The following ZNF28 variants were observed in gnomAD, a reference collection of about 807,000 sequenced individuals.
ZNF28 encodes zinc finger protein KOX24.
Under a neutral mutation model 7.2 loss-of-function variants are expected in ZNF28, and 5 were observed. The ratio of observed to expected loss-of-function variants is 0.70; its 90% CI spans 0.36 to 1.46. ZNF28 has a LOEUF of 1.46. Among genes scored for constraint, ZNF28 ranks in the 40% most tolerant of loss-of-function variants. The pLI is 0.03. For missense variants in ZNF28, 879 were observed against 866.6 expected (o/e 1.01, Z -0.18); for synonymous variants, 288 against 292.4 (o/e 0.99, Z 0.15).
At chr19:52,820,651 C>T (rs12984230) in intron 1 of ZNF28, among the ~76,000 whole-genome samples, 14,150 of 151,000 alleles carry the variant, frequency 0.094, 448 homozygotes, top group South Asian at 0.18. Context: ...CTCCACATCC[C>T]TCCTCCTCTC....
rs546122686 is a variant in ZNF28 at position 52,815,514 on chromosome 19, T to C, written c.15+2430A>G. On this transcript the variant is annotated intron_variant, in intron 2 of 3. Transcript: ENST00000457749. ...TCTGGGCAACAAGATCATAACTCAG[T>C]CTCAAAAAAATAAATAAAAAAAATA... Among the ~76,000 whole-genome samples the C allele has an allele frequency of 5.9e-4, 81 of 137,356 alleles. 6 individuals are homozygous for C. The highest frequency in any genetic ancestry group is 4.6e-3 in the East Asian group (21 of 4,604). 90.1% of individuals were successfully genotyped at this position (137,356 alleles called of 152,430 possible).
rs2063007512 is a variant in ZNF28 at position 52,810,585 on chromosome 19, AC to A, written c.16-2453del. ...GACCGGGGTCTTCCACGAGCCCGCT[AC>A]CGCGCCCGACCACCAACTACAGCAG... On this transcript the variant is annotated intron_variant, in intron 2 of 3. Coordinates refer to ENST00000457749, the MANE Select transcript of ZNF28 (RefSeq NM_006969.5). 8 of 1,580,626 alleles carry A rather than the reference AC, an allele frequency of 5.1e-6. No homozygotes were observed. The Admixed American group carries it at 1.3e-4, about 26-fold the overall frequency.
At chr19:52,812,265 T>C (rs1040046467) in intron 2 of ZNF28, among the ~76,000 whole-genome samples, 3 of 139,202 alleles carry the variant, frequency 2.2e-5, no homozygotes, top group Non-Finnish European at 4.5e-5. Context: ...CTGGGAGGTG[T>C]GCCCAGCGGC....
intron 1 of ZNF28, among the ~76,000 whole-genome samples, chr19:52,818,318 T>C (rs1000723246): frequency 2.6e-5 from 4 of 152,198 alleles, no homozygotes; most frequent in Non-Finnish European, 4.4e-5. Context: ...TCTGTGTGTC[T>C]GTGGTCCCAG....
In ZNF28 at chr19:52,810,389, C is replaced by T. The variant is rs187831819; in HGVS notation, c.16-2256G>A. ...ACTTTCATGGCTGTGGTTCAGTCAA[C>T]CACGTTACCATACTCTGTGACAAAT... On this transcript the variant is annotated intron_variant, in intron 2 of 3. Coordinates refer to ENST00000457749, the MANE Select transcript of ZNF28 (RefSeq NM_006969.5). The T allele has an allele frequency of 1.8e-4, 286 of 1,604,946 alleles. 1 individual carries two copies. In the East Asian group the frequency reaches 6.2e-3, roughly 35 times the overall value.
intron 2 of ZNF28, chr19:52,810,065 T>A: frequency 1.3e-6 from 1 of 746,970 alleles, no homozygotes; most frequent in Non-Finnish European, 2.4e-6. Context: ...GCCTGGGAGC[T>A]CCAGGACCTG....
intron 2 of ZNF28, among the ~76,000 whole-genome samples, chr19:52,816,427 G>A (rs1277065417): frequency 1.4e-5 from 2 of 145,858 alleles, no homozygotes; most frequent in Admixed American, 6.9e-5. Context: ...CACTTTGGGA[G>A]GCTGAGGTGG....
chr19:52,817,745 G>A (rs1670159569), intron 2 of ZNF28, among the ~76,000 whole-genome samples, 199 bp downstream of exon 2: 1 of 152,062 alleles, frequency 6.6e-6, no homozygotes, highest in Admixed American at 6.6e-5. Context: ...CATGCCCAGT[G>A]CAGCCTCTCC....
intron 2 of ZNF28, 50 bp downstream of exon 2, chr19:52,817,894 C>T (rs767370610): frequency 5.0e-6 from 8 of 1,608,388 alleles, no homozygotes; most frequent in South Asian, 2.2e-5. Flanking sequence ...CAAGGCCCAG[C>T]GTTTCTGAAA....
At chr19:52,817,216 T>C (rs2063138016) in intron 2 of ZNF28, among the ~76,000 whole-genome samples, 1 of 151,796 alleles carries the variant, frequency 6.6e-6, no homozygotes, top group Non-Finnish European at 1.5e-5. Flanking sequence ...CTACTAAAAA[T>C]ACAAAATTAG....
chr19:52,817,801 G>A (rs2058766771), intron 2 of ZNF28, 143 bp downstream of exon 2: 18 of 1,535,578 alleles, frequency 1.2e-5, no homozygotes, highest in Non-Finnish European at 1.4e-5. Flanking sequence ...TAAGCGAGAT[G>A]AGATGAACTG....
chr19:52,807,921 T>G, intron 3 of ZNF28, 86 bp downstream of exon 3: 1 of 1,585,648 alleles, frequency 6.3e-7, no homozygotes, highest in East Asian at 2.2e-5. Context: ...GCTTCCATTT[T>G]AGTCAAGTAA....
chr19:52,809,822 A>AGGCAGCGTC (rs202197218), intron 2 of ZNF28: 2 of 527,246 alleles, frequency 3.8e-6, no homozygotes, highest in Non-Finnish European at 6.7e-6. Context: ...TGAGCGGCGA[A>AGGCAGCGTC]GGCGGCGGCG....
Position 52,801,798 on chromosome 19 carries a change from A to C in ZNF28, c.143-96T>G, listed in dbSNP as rs556636922. On this transcript the variant is annotated intron_variant, in intron 3 of 3. Transcript: ENST00000457749. ...TGACACAAAAAACAATACTTATTTT[A>C]AACTTCCCAAACATGATCTTCAAAG... 4.4e-5 allele frequency: 51 copies of C among 1,169,208 alleles called. No homozygotes were observed. In the African/African-American group the frequency reaches 7.4e-4, roughly 17 times the overall value. 72.4% of individuals were successfully genotyped at this position (1,169,208 alleles called of 1,614,324 possible).
At position 52,799,160 on chromosome 19, in the gene ZNF28, A is replaced by G; in HGVS notation, c.*528T>C. ...TTGCAAGGTGTGACTGTTGATTAAA[A>G]ACTATGCCACATTCATTACACTTGT... On this transcript the variant is annotated 3_prime_UTR_variant, in exon 4 of 4. Transcript: ENST00000457749. 2 of 405,430 alleles carry G rather than the reference A, an allele frequency of 4.9e-6. No homozygotes were observed. Among genetic ancestry groups the G allele is most frequent in the Non-Finnish European group, 9.6e-6 (2 of 208,880 alleles). 25.1% of individuals were successfully genotyped at this position (405,430 alleles called of 1,614,324 possible).
At chr19:52,815,073 A>G (rs2063104555) in intron 2 of ZNF28, among the ~76,000 whole-genome samples, 1 of 120,522 alleles carries the variant, frequency 8.3e-6, no homozygotes, top group Admixed American at 8.9e-5. Context: ...ATGTATAGAT[A>G]TGTGTGTATG....
chr19:52,809,063 TA>T (rs935682005), intron 2 of ZNF28, among the ~76,000 whole-genome samples: 12 of 152,138 alleles, frequency 7.9e-5, no homozygotes, highest in African/African-American at 2.9e-4. Context: ...TATGAAGTTT[TA>T]AAAAATATAA....
chr19:52,803,389 G>C (rs1770311566), intron 3 of ZNF28, among the ~76,000 whole-genome samples: 1 of 152,080 alleles, frequency 6.6e-6, no homozygotes, highest in Admixed American at 6.6e-5. Context: ...GGCACTTTGT[G>C]ACATTATCTA....
In ZNF28 at chr19:52,819,269, G is replaced by A. The variant is rs2063165528; in HGVS notation, c.-73-1238C>T. Reference sequence around the variant, plus strand: ...TTGTCCTGGGGAACACGGGAAGCAGGTGGAGGGTTCCCTGCCAGGCACTGA... The same window carrying A: ...TTGTCCTGGGGAACACGGGAAGCAGATGGAGGGTTCCCTGCCAGGCACTGA... On this transcript the variant is annotated intron_variant, in intron 1 of 3. Transcript: ENST00000457749. Among the ~76,000 whole-genome samples the A allele has an allele frequency of 2.1e-5, 3 of 140,766 alleles. 1 individual carries two copies. Among genetic ancestry groups the A allele is most frequent in the East Asian group, 4.0e-4 (2 of 4,940 alleles). The allele number at this position is 140,766 out of a possible 152,430, so 92.3% of individuals were successfully genotyped here.
Sources: gnomAD v4.1 joint callset for allele counts (sites outside exome capture counted in the v4.1 genomes callset) on GRCh38, gnomAD v4.1.1 for gene constraint, MANE v1.5 for transcripts, NCBI Gene and HGNC (gene_info 2026-07-23, HGNC 2026-07-21) for gene names.